Variants in NRG3 observed in about 807,000 individuals in gnomAD.
The protein encoded by NRG3 is neuregulin 3.
In NRG3, 31 loss-of-function variants were observed where a neutral mutation model predicts 66.9. The observed-to-expected ratio is 0.46, with a 90% CI of 0.35 to 0.63. NRG3 has a LOEUF of 0.63. Ranked by LOEUF, NRG3 falls within the 20% of genes least tolerant of loss-of-function variation. NRG3 has a pLI of 0.00. For missense variants in NRG3, 910 were observed against 878.9 expected (o/e 1.04, Z -0.45); for synonymous variants, 393 against 359.4 (o/e 1.09, Z -1.06).
intron 1 of NRG3, among the ~76,000 whole-genome samples, chr10:82,172,637 T>C (rs374846149): frequency 7.2e-5 from 11 of 152,234 alleles, no homozygotes; most frequent in African/African-American, 2.6e-4. Flanking sequence ...TTCAATCTCA[T>C]CAGCCACAGA....
chr10:82,388,238 G>A (rs1488855561), intron 2 of NRG3, among the ~76,000 whole-genome samples: 1 of 152,100 alleles, frequency 6.6e-6, no homozygotes, highest in Non-Finnish European at 1.5e-5. Context: ...TGTAAAAAGG[G>A]AATAAGAAAG....
chr10:81,954,001 A>G (rs1217949908), intron 1 of NRG3, among the ~76,000 whole-genome samples: 1 of 152,238 alleles, frequency 6.6e-6, no homozygotes, highest in East Asian at 1.9e-4. Flanking sequence ...TTTTCCAATC[A>G]AGCTGACAGT....
At chr10:82,201,248 G>A (rs1213640300) in intron 1 of NRG3, among the ~76,000 whole-genome samples, 3 of 150,600 alleles carry the variant, frequency 2.0e-5, no homozygotes, top group African/African-American at 7.3e-5. Context: ...GGAACCACTG[G>A]AGCCAGAGGG....
intron 2 of NRG3, among the ~76,000 whole-genome samples, chr10:82,691,824 C>T (rs1417281873): frequency 6.6e-6 from 1 of 152,150 alleles, no homozygotes; most frequent in Non-Finnish European, 1.5e-5. Context: ...GATCAAGTAA[C>T]TTGCAAAGGC....
chr10:82,573,718 C>T (rs2045875471), intron 2 of NRG3, among the ~76,000 whole-genome samples: 1 of 151,594 alleles, frequency 6.6e-6, no homozygotes, highest in African/African-American at 2.4e-5. Flanking sequence ...TGAAGATGTG[C>T]AACACAAATC....
chr10:82,509,790 T>C (rs941201670), intron 2 of NRG3, among the ~76,000 whole-genome samples: 1 of 152,166 alleles, frequency 6.6e-6, no homozygotes, highest in Non-Finnish European at 1.5e-5. Flanking sequence ...AGAATAAAAG[T>C]GTTCAACCTG....
At chr10:82,533,338 G>A (rs1017151322) in intron 2 of NRG3, among the ~76,000 whole-genome samples, 4 of 151,558 alleles carry the variant, frequency 2.6e-5, no homozygotes, top group Admixed American at 2.0e-4. Context: ...CTGTGCTTTT[G>A]GTATTATATC....
intron 1 of NRG3, among the ~76,000 whole-genome samples, chr10:81,927,809 A>G (rs1846952990): frequency 6.6e-6 from 1 of 152,180 alleles, no homozygotes; most frequent in Non-Finnish European, 1.5e-5. Flanking sequence ...TCAAGCCAGG[A>G]TGCGAAGAGG....
intron 4 of NRG3, among the ~76,000 whole-genome samples, chr10:82,944,987 C>G (rs1848881338): frequency 6.6e-6 from 1 of 152,124 alleles, no homozygotes; most frequent in Non-Finnish European, 1.5e-5. Context: ...TAAAGTACTG[C>G]AAGTACCTTT....
intron 3 of NRG3, among the ~76,000 whole-genome samples, chr10:82,848,209 G>A (rs115679284): frequency 5.9e-5 from 9 of 152,144 alleles, no homozygotes; most frequent in East Asian, 1.9e-4. Context: ...ACACAAACAC[G>A]TCCTTGTGGC....
At chr10:82,683,039 A>C (rs2054230915) in intron 2 of NRG3, among the ~76,000 whole-genome samples, 1 of 139,226 alleles carries the variant, frequency 7.2e-6, no homozygotes, top group Non-Finnish European at 1.5e-5. Flanking sequence ...GCTCACTGCA[A>C]TCTCTGCCTT....
At chr10:82,739,408 G>T (rs1332832900) in intron 3 of NRG3, among the ~76,000 whole-genome samples, 1 of 152,176 alleles carries the variant, frequency 6.6e-6, no homozygotes, top group Non-Finnish European at 1.5e-5. Context: ...ATTTAGTTTA[G>T]TGAGGATAAT....
chr10:82,810,737 T>TAAAAA (rs750726119), intron 3 of NRG3, among the ~76,000 whole-genome samples: 3 of 69,994 alleles, frequency 4.3e-5, no homozygotes, highest in Non-Finnish European at 8.3e-5. Context: ...CACTCCAGCC[T>TAAAAA]AAAAAAAAAA....
chr10:81,909,752 C>G (rs1018598589), intron 1 of NRG3, among the ~76,000 whole-genome samples: 14 of 152,122 alleles, frequency 9.2e-5, no homozygotes, highest in Non-Finnish European at 1.5e-4. Flanking sequence ...TTTCTCTGTA[C>G]AAAGCACTTT....
intron 1 of NRG3, among the ~76,000 whole-genome samples, chr10:82,252,436 GA>G (rs1054523624): frequency 6.6e-6 from 1 of 152,088 alleles, no homozygotes; most frequent in Non-Finnish European, 1.5e-5. Flanking sequence ...AGAGGCATTG[GA>G]AAAGTTCAGT....
chr10:82,593,271 T>C (rs1453799011), intron 2 of NRG3, among the ~76,000 whole-genome samples: 5 of 152,314 alleles, frequency 3.3e-5, no homozygotes, highest in Admixed American at 6.5e-5. Context: ...CCCATGGGGC[T>C]GGACCAAAGC....
At chr10:82,887,975 C>A (rs951366325) in intron 4 of NRG3, among the ~76,000 whole-genome samples, 20 of 152,200 alleles carry the variant, frequency 1.3e-4, no homozygotes, top group Admixed American at 3.3e-4. Flanking sequence ...TTGAATAATA[C>A]ACATTTTACA....
intron 1 of NRG3, among the ~76,000 whole-genome samples, chr10:82,213,584 A>G (rs562316016): frequency 3.2e-4 from 48 of 152,186 alleles, no homozygotes; most frequent in Non-Finnish European, 6.0e-4. Flanking sequence ...ATGATATGGA[A>G]CCTCAACCTG....
intron 4 of NRG3, among the ~76,000 whole-genome samples, chr10:82,930,065 C>A (rs997042518): frequency 6.6e-6 from 1 of 152,044 alleles, no homozygotes; most frequent in African/African-American, 2.4e-5. Flanking sequence ...GGCTTTAGAT[C>A]GTTCATAATT....
Sources: gnomAD v4.1 joint callset for allele counts (sites outside exome capture counted in the v4.1 genomes callset) on GRCh38, gnomAD v4.1.1 for gene constraint, MANE v1.5 for transcripts, NCBI Gene and HGNC (gene_info 2026-07-23, HGNC 2026-07-21) for gene names.